The following BANK1 variants were observed in gnomAD, a reference collection of about 807,000 sequenced individuals.
BANK1 encodes the protein B-cell scaffold protein with ankyrin repeats.
A neutral mutation model predicts 94.5 loss-of-function variants in BANK1; 95 were observed. The ratio of observed to expected loss-of-function variants is 1.00; its 90% CI spans 0.85 to 1.19. The LOEUF (loss-of-function observed/expected upper bound fraction) is 1.19. Among genes scored for constraint, BANK1 ranks in the 50% most tolerant of loss-of-function variants. The pLI, the probability that BANK1 is intolerant of heterozygous loss-of-function variation, is 0.00. For missense variants in BANK1, 987 were observed against 932.2 expected (o/e 1.06, Z -0.77); for synonymous variants, 334 against 308.4 (o/e 1.08, Z -0.87).
At position 102,021,538 on chromosome 4, in the gene BANK1, G is replaced by T; in HGVS notation, c.1231G>T (p.Glu411Ter). ...FSIQEIDINN[E>*]QENDYEEDIA... Reference sequence around the variant, plus strand: ...GATCCAAGAAATTGACATAAATAATGAGCAAGAAAATGATTATGAAGAGGA... The same window carrying T: ...GATCCAAGAAATTGACATAAATAATTAGCAAGAAAATGATTATGAAGAGGA... The change falls in exon 8 of 17, where the codon GAG (glutamate) becomes TAG (stop). Residue 411 changes from glutamate (E) to a stop codon, truncating the protein, a stop_gained. Coordinates refer to ENST00000322953, the MANE Select transcript of BANK1 (RefSeq NM_017935.5). LOFTEE classifies it high-confidence loss of function. 6.8e-7 allele frequency: 1 copy of T among 1,464,548 alleles called. No individual in the cohort carries two copies. Among genetic ancestry groups the T allele is most frequent in the South Asian group, 1.4e-5 (1 of 70,978 alleles). 90.7% of individuals were successfully genotyped at this position (1,464,548 alleles called of 1,614,324 possible).
At chr4:101,943,343 A>G (rs1356951354) in intron 7 of BANK1, among the ~76,000 whole-genome samples, 4 of 152,046 alleles carry the variant, frequency 2.6e-5, no homozygotes, top group Admixed American at 2.0e-4. Context: ...GAACGTTGTC[A>G]GGGAACATCA....
intron 6 of BANK1, among the ~76,000 whole-genome samples, chr4:101,901,643 GAACTCAAA>G (rs1722285352): frequency 6.6e-6 from 1 of 152,078 alleles, no homozygotes; most frequent in Non-Finnish European, 1.5e-5. Context: ...ATTAGGCAAA[GAACTCAAA>G]AACTCAAAAA....
At chr4:101,798,916 G>C (rs1364805696) in intron 1 of BANK1, among the ~76,000 whole-genome samples, 1 of 152,144 alleles carries the variant, frequency 6.6e-6, no homozygotes, top group African/African-American at 2.4e-5. Flanking sequence ...TAGGTTGCCT[G>C]TTCACTCTGA....
chr4:101,997,150 A>AT (rs1175204208), intron 7 of BANK1, among the ~76,000 whole-genome samples: 3 of 152,066 alleles, frequency 2.0e-5, no homozygotes, highest in African/African-American at 4.8e-5. Context: ...AGGGTGTTGA[A>AT]TTTTTTTGAA....
At chr4:101,979,985 T>C (rs2148926967) in intron 7 of BANK1, among the ~76,000 whole-genome samples, 1 of 152,020 alleles carries the variant, frequency 6.6e-6, no homozygotes, top group Non-Finnish European at 1.5e-5. Flanking sequence ...CCCAATTTTG[T>C]GGTTGTTTTG....
rs184270550 is a variant in BANK1 at position 102,006,677 on chromosome 4, A to C, written c.1207-14837A>C. 5.5e-3 allele frequency among the ~76,000 whole-genome samples: 842 copies of C among 152,096 alleles called. 9 individuals carry two copies. Among genetic ancestry groups the C allele is most frequent in the African/African-American group, 0.019 (780 of 41,534 alleles). On this transcript the variant is annotated intron_variant, in intron 7 of 16. Coordinates refer to ENST00000322953, the MANE Select transcript of BANK1 (RefSeq NM_017935.5). ...TTTACCCATTCACAAACAATTAGAT[A>C]GTTCTGGATAGGATTTCATAATTTT...
intron 11 of BANK1, among the ~76,000 whole-genome samples, chr4:102,048,256 T>G (rs1364986141): frequency 6.6e-6 from 1 of 152,166 alleles, no homozygotes; most frequent in African/African-American, 2.4e-5. Context: ...ACATCAATCC[T>G]TATCAAATGT....
At chr4:101,851,550 G>A (rs886104433) in intron 2 of BANK1, among the ~76,000 whole-genome samples, 2 of 152,142 alleles carry the variant, frequency 1.3e-5, no homozygotes, top group African/African-American at 2.4e-5. Context: ...TAGAAGGAGA[G>A]GGGAAGGATA....
chr4:101,803,719 C>A (rs993267575), intron 1 of BANK1, among the ~76,000 whole-genome samples: 1 of 151,832 alleles, frequency 6.6e-6, no homozygotes, highest in African/African-American at 2.4e-5. Context: ...ATAAAAAGGC[C>A]GGGCGCGGTG....
intron 7 of BANK1, among the ~76,000 whole-genome samples, chr4:101,942,634 A>G (rs1198275702): frequency 1.3e-5 from 2 of 151,928 alleles, no homozygotes; most frequent in Non-Finnish European, 2.9e-5. Context: ...TGAAGAATTT[A>G]CAATTCTCTT....
At chr4:101,857,532 A>G (rs1174641211) in intron 3 of BANK1, among the ~76,000 whole-genome samples, 1 of 152,140 alleles carries the variant, frequency 6.6e-6, no homozygotes, top group Non-Finnish European at 1.5e-5. Context: ...TCTATCGTTA[A>G]TTAAGGCAGT....
intron 1 of BANK1, among the ~76,000 whole-genome samples, chr4:101,795,948 T>A (rs951570073): frequency 2.0e-5 from 3 of 152,232 alleles, no homozygotes; most frequent in African/African-American, 7.2e-5. Flanking sequence ...GTCAGGCTTA[T>A]ACAGAGTTGT....
chr4:102,071,355 G>A (rs1486897387), intron 14 of BANK1, 51 bp downstream of exon 14: 1 of 1,545,614 alleles, frequency 6.5e-7, no homozygotes, highest in East Asian at 2.2e-5. Context: ...AAAGTACAGA[G>A]TAAATCAATT....
At chr4:101,922,095 C>A (rs1723021346) in intron 7 of BANK1, among the ~76,000 whole-genome samples, 1 of 150,590 alleles carries the variant, frequency 6.6e-6, no homozygotes, top group South Asian at 2.1e-4. Context: ...ATCTGACTGA[C>A]AGGCCCTAAT....
At chr4:101,808,658 A>G (rs1012011464) in intron 1 of BANK1, among the ~76,000 whole-genome samples, 3 of 152,188 alleles carry the variant, frequency 2.0e-5, no homozygotes, top group African/African-American at 7.2e-5. Context: ...CAAATCAGCA[A>G]GAAAAAAAAA....
At chr4:101,981,106 GTTAT>G (rs776328695) in intron 7 of BANK1, among the ~76,000 whole-genome samples, 13 of 152,162 alleles carry the variant, frequency 8.5e-5, no homozygotes, top group Non-Finnish European at 1.9e-4. Context: ...TGAGTGAAGT[GTTAT>G]TTAATAGTTG....
intron 8 of BANK1, among the ~76,000 whole-genome samples, chr4:102,022,230 A>G (rs1223102204): frequency 4.6e-5 from 7 of 152,084 alleles, no homozygotes; most frequent in South Asian, 2.1e-4. Flanking sequence ...AACATTTTTG[A>G]AAGTTCGGAT....
At chr4:101,930,341 AAATT>A (rs1222350909) in intron 7 of BANK1, among the ~76,000 whole-genome samples, 2 of 151,428 alleles carry the variant, frequency 1.3e-5, no homozygotes, top group South Asian at 2.1e-4. Context: ...TAAAAAGAAT[AAATT>A]CTTTCTAAAA....
At chr4:101,851,928 A>G (rs185893067) in intron 2 of BANK1, among the ~76,000 whole-genome samples, 90 of 152,292 alleles carry the variant, frequency 5.9e-4, no homozygotes, top group Admixed American at 5.9e-3. Flanking sequence ...ACTTATTAAC[A>G]TTATCTTTGT....
Sources: gnomAD v4.1 joint callset for allele counts (sites outside exome capture counted in the v4.1 genomes callset) on GRCh38, gnomAD v4.1.1 for gene constraint, MANE v1.5 for transcripts, NCBI Gene and HGNC (gene_info 2026-07-23, HGNC 2026-07-21) for gene names.